APP: variants seen among roughly 807,000 people sequenced by gnomAD.
The protein encoded by APP is amyloid-beta precursor protein.
A neutral mutation model predicts 101.4 loss-of-function variants in APP; 31 were observed. The ratio of observed to expected loss-of-function variants is 0.31; its 90% CI spans 0.23 to 0.41. The LOEUF (loss-of-function observed/expected upper bound fraction) is 0.41, where lower values mean the gene tolerates loss of function less well. Among genes scored for constraint, APP ranks in the 10% least tolerant of loss-of-function variants. APP has a pLI of 1.00. For missense variants in APP, 839 were observed against 1,003.7 expected, an observed-to-expected ratio of 0.84 and a Z score of 2.22; for synonymous variants, 366 against 364.4, an observed-to-expected ratio of 1.00 and a Z score of -0.05.
intron 2 of APP, among the ~76,000 whole-genome samples, chr21:26,098,081 GAAAAAAA>G (rs757879199): frequency 7.4e-5 from 4 of 54,382 alleles, no homozygotes; most frequent in African/African-American, 1.3e-4. Context: ...CTCTGTCTCA[GAAAAAAA>G]AAAAAAAAAA....
At chr21:25,969,325 G>A (rs2041917693) in intron 11 of APP, among the ~76,000 whole-genome samples, 1 of 135,658 alleles carries the variant, frequency 7.4e-6, no homozygotes, top group Non-Finnish European at 1.5e-5. Context: ...TCCAGCCTGG[G>A]CGACAAAGCA....
chr21:26,024,670 G>T (rs1338327090), intron 5 of APP, among the ~76,000 whole-genome samples: 1 of 152,164 alleles, frequency 6.6e-6, no homozygotes, highest in Non-Finnish European at 1.5e-5. Context: ...ATTACCTCAG[G>T]ATTTAAAGCA....
At position 25,911,727 on chromosome 21, in the gene APP, C is replaced by T. The variant is rs1380028160; in HGVS notation, c.1909+14G>A. 6.2e-7 allele frequency: 1 copy of T among 1,613,084 alleles called. No homozygotes were observed. Among genetic ancestry groups the T allele is most frequent in the Admixed American group, 1.7e-5 (1 of 60,020 alleles). ...ACCTCCCAGAACGCCCTTGCTGGCT[C>T]AGGGGACTCTTACCTTCGTTTTCTG... On this transcript the variant is annotated intron_variant, in intron 14 of 17. Transcript: ENST00000346798.
At chr21:26,015,861 G>A (rs769842541) in intron 6 of APP, among the ~76,000 whole-genome samples, 6 of 152,104 alleles carry the variant, frequency 3.9e-5, no homozygotes, top group Non-Finnish European at 5.9e-5. Context: ...TCTCTTTTGC[G>A]ATCCTCAACT....
At chr21:25,882,887 C>G (rs1299048595) in intron 17 of APP, among the ~76,000 whole-genome samples, 1 of 152,220 alleles carries the variant, frequency 6.6e-6, no homozygotes, top group East Asian at 1.9e-4. Flanking sequence ...AGGCCCATTC[C>G]CCCTTGTTGA....
At chr21:26,132,241 G>C (rs934412837) in intron 1 of APP, among the ~76,000 whole-genome samples, 3 of 152,088 alleles carry the variant, frequency 2.0e-5, no homozygotes, top group African/African-American at 7.2e-5. Flanking sequence ...AGAAAAAAGT[G>C]ATGTCTCAAA....
At chr21:26,049,432 A>T (rs2045745013) in intron 5 of APP, among the ~76,000 whole-genome samples, 1 of 152,080 alleles carries the variant, frequency 6.6e-6, no homozygotes, top group Admixed American at 6.6e-5. Context: ...CATGAGAGAG[A>T]GTTACGCTGG....
chr21:26,108,479 G>A (rs1273459352), intron 2 of APP, among the ~76,000 whole-genome samples: 1 of 152,180 alleles, frequency 6.6e-6, no homozygotes, highest in Non-Finnish European at 1.5e-5. Flanking sequence ...CACGGCTAGA[G>A]GCTGCAGCAT....
chr21:26,136,837 A>G (rs1419429160), intron 1 of APP, among the ~76,000 whole-genome samples: 2 of 152,192 alleles, frequency 1.3e-5, no homozygotes, highest in Non-Finnish European at 2.9e-5. Flanking sequence ...TTCTGTTGCC[A>G]GATCTGTAGA....
At chr21:25,889,795 G>A (rs1027734116) in intron 17 of APP, among the ~76,000 whole-genome samples, 13 of 151,756 alleles carry the variant, frequency 8.6e-5, no homozygotes, top group Admixed American at 7.9e-4. Flanking sequence ...TGCAGTGAGC[G>A]GAGATCATGC....
At chr21:26,014,106 C>T (rs2043944829) in intron 6 of APP, among the ~76,000 whole-genome samples, 1 of 152,162 alleles carries the variant, frequency 6.6e-6, no homozygotes, top group African/African-American at 2.4e-5. Flanking sequence ...AGCCATTACC[C>T]TTTTGCCCTG....
intron 3 of APP, among the ~76,000 whole-genome samples, chr21:26,088,258 G>A (rs2061743280): frequency 6.6e-6 from 1 of 152,154 alleles, no homozygotes; most frequent in Non-Finnish European, 1.5e-5. Flanking sequence ...GCACTAGGTA[G>A]TAAATAACAA....
intron 9 of APP, among the ~76,000 whole-genome samples, chr21:25,978,946 A>T (rs1444423476): frequency 6.6e-6 from 1 of 152,216 alleles, no homozygotes; most frequent in Non-Finnish European, 1.5e-5. Flanking sequence ...GCAAGACTCC[A>T]TCTCCAAAAA....
chr21:25,959,752 G>A (rs1304939770), intron 11 of APP, among the ~76,000 whole-genome samples: 1 of 152,216 alleles, frequency 6.6e-6, no homozygotes. Context: ...GTGGATAAAG[G>A]ATTAGGATTA....
chr21:25,997,485 C>T (rs755346668), intron 7 of APP, 69 bp from the exon 8 acceptor site: 11 of 1,387,148 alleles, frequency 7.9e-6, no homozygotes, highest in East Asian at 4.6e-5. Flanking sequence ...CTGAAATGCA[C>T]GAGTCCACTG....
chr21:26,139,355 G>C (rs1337529892), intron 1 of APP, among the ~76,000 whole-genome samples: 1 of 152,072 alleles, frequency 6.6e-6, no homozygotes, highest in Non-Finnish European at 1.5e-5. Flanking sequence ...ACCTTGTGAA[G>C]GATAGAAAGG....
intron 1 of APP, among the ~76,000 whole-genome samples, chr21:26,132,597 C>T (rs2062818103): frequency 6.6e-6 from 1 of 152,158 alleles, no homozygotes; most frequent in East Asian, 1.9e-4. Context: ...ATGATTTCTG[C>T]TTTATTACTT....
intron 8 of APP, among the ~76,000 whole-genome samples, chr21:25,994,665 T>C (rs2146654083): frequency 6.6e-6 from 1 of 152,354 alleles, no homozygotes; most frequent in South Asian, 2.1e-4. Context: ...ACCACCTTTG[T>C]GCAGAAATAT....
intron 5 of APP, among the ~76,000 whole-genome samples, chr21:26,025,239 T>C (rs902187159): frequency 1.2e-4 from 18 of 152,208 alleles, no homozygotes; most frequent in African/African-American, 3.6e-4. Context: ...AGGATCTCAC[T>C]GTTGTATTAC....
Sources: allele counts gnomAD v4.1 joint callset (sites outside exome capture counted in the v4.1 genomes callset), GRCh38; gene constraint gnomAD v4.1.1; transcripts MANE v1.5; gene names NCBI Gene and HGNC (gene_info 2026-07-23, HGNC 2026-07-21).